Variants in CAMK4 observed in about 807,000 individuals in gnomAD.
CAMK4 encodes calcium/calmodulin dependent protein kinase IV.
In CAMK4, 22 loss-of-function variants were observed where a neutral mutation model predicts 44.9. The ratio of observed to expected loss-of-function variants is 0.49; its 90% CI spans 0.35 to 0.70. CAMK4 has a LOEUF of 0.70. CAMK4 is among the 30% of genes least tolerant of loss of function. CAMK4 has a pLI of 0.01. For synonymous variants in CAMK4, 218 were observed against 215.4 expected (o/e 1.01, Z -0.11); for missense variants, 498 against 586.8 (o/e 0.85, Z 1.56).
Position 111,485,245 on chromosome 5 carries a change from CAG to C in CAMK4, c.*780_*781del, listed in dbSNP as rs1048944669. The C allele has an allele frequency of 6.6e-5, 10 of 152,056 alleles. No individual in the cohort carries two copies. Among genetic ancestry groups the C allele is most frequent in the African/African-American group, 2.4e-4 (10 of 41,392 alleles). The allele number at this position is 152,056 out of a possible 1,614,324, so 9.4% of individuals were successfully genotyped here. ...TAGACAAAGCTTAGGGTGTAATAAACAGGGAAGAAAAGAAGGTAAGACTGTAC... is the reference window on the plus strand; with the variant it reads ...TAGACAAAGCTTAGGGTGTAATAAACGGAAGAAAAGAAGGTAAGACTGTAC... On this transcript the variant is annotated 3_prime_UTR_variant, in exon 11 of 11. Transcript: ENST00000282356.
In CAMK4 at chr5:111,238,050, G is replaced by A. The variant is rs577002524; in HGVS notation, c.161+13406G>A. 3.7e-4 allele frequency among the ~76,000 whole-genome samples: 57 copies of A among 152,142 alleles called. 1 individual carries two copies. The highest frequency in any genetic ancestry group is 1.3e-3 in the African/African-American group (52 of 41,432). On this transcript the variant is annotated intron_variant, in intron 1 of 10. Transcript: ENST00000282356. ...TTTGACAACCAGAGGCCAGGGGAGC[G>A]TGGTGAAAGGAAACTGTGGGTGGGA...
intron 4 of CAMK4, among the ~76,000 whole-genome samples, chr5:111,380,422 G>A (rs1210658036): frequency 6.6e-6 from 1 of 151,854 alleles, no homozygotes; most frequent in Non-Finnish European, 1.5e-5. Context: ...GTGTGTCATG[G>A]CGATTTGTTG....
At chr5:111,224,273 TCCGGGTTCC>T (rs1748048943), upstream of CAMK4, 2 of 554,938 alleles carry the variant, frequency 3.6e-6, no homozygotes, top group African/African-American at 4.1e-5. The surrounding 1 kb of genome is among the most constrained non-coding windows in gnomAD (Gnocchi z 5.7). Context: ...GGGCGGCGAC[TCCGGGTTCC>T]CCCTCGCGCC....
At position 111,242,440 on chromosome 5, in the gene CAMK4, C is replaced by T. The variant is rs114951469; in HGVS notation, c.161+17796C>T. 4.0e-3 allele frequency among the ~76,000 whole-genome samples: 608 copies of T among 151,174 alleles called. 4 individuals carry two copies. The highest frequency in any genetic ancestry group is 0.014 in the African/African-American group (571 of 41,110). On this transcript the variant is annotated intron_variant, in intron 1 of 10. Coordinates refer to ENST00000282356, the MANE Select transcript of CAMK4 (RefSeq NM_001744.6). ...ATATCTCTTAAATATACTTTAAATC[C>T]GTTCCCTCCTCTGTGTGGCCACTGA...
Position 111,246,926 on chromosome 5 carries a change from T to C in CAMK4, c.161+22282T>C, listed in dbSNP as rs114874589. ...ACTATATCCCTTAAATTAAGTGGGG[T>C]TCCAGCATACAGCTCCTGGTATCTC... On this transcript the variant is annotated intron_variant, in intron 1 of 10. Coordinates refer to ENST00000282356, the MANE Select transcript of CAMK4 (RefSeq NM_001744.6). Among the ~76,000 whole-genome samples, 188 of 152,210 alleles carry C rather than the reference T, an allele frequency of 1.2e-3. 2 individuals carry two copies. The highest frequency in any genetic ancestry group is 1.2e-3 in the Non-Finnish European group (84 of 68,014).
At chr5:111,225,263 T>G (rs1748130817) in intron 1 of CAMK4, among the ~76,000 whole-genome samples, 1 of 152,168 alleles carries the variant, frequency 6.6e-6, no homozygotes, top group Non-Finnish European at 1.5e-5. Flanking sequence ...TTAGTGAGAA[T>G]GCTGCTGCTT....
At chr5:111,443,968 T>C (rs1417251430) in intron 5 of CAMK4, among the ~76,000 whole-genome samples, 2 of 152,228 alleles carry the variant, frequency 1.3e-5, no homozygotes, top group African/African-American at 4.8e-5. Context: ...GGACACCGCA[T>C]GTTTTCCCTG....
intron 1 of CAMK4, among the ~76,000 whole-genome samples, chr5:111,255,984 A>G (rs779350080): frequency 2.0e-5 from 3 of 152,194 alleles, no homozygotes; most frequent in Non-Finnish European, 2.9e-5. Context: ...TTTAGAATGC[A>G]TACACACACA....
intron 1 of CAMK4, among the ~76,000 whole-genome samples, chr5:111,236,004 C>T (rs1210700297): frequency 6.6e-6 from 1 of 152,196 alleles, no homozygotes; most frequent in Admixed American, 6.5e-5. Flanking sequence ...ACAATTGTTA[C>T]TTGACGGCCC....
intron 7 of CAMK4, among the ~76,000 whole-genome samples, chr5:111,471,205 AT>A (rs1755053661): frequency 6.6e-6 from 1 of 151,880 alleles, no homozygotes; most frequent in Non-Finnish European, 1.5e-5. Context: ...GTTGTCACCC[AT>A]CGAGTGAAAA....
At chr5:111,232,097 G>A (rs1488575437) in intron 1 of CAMK4, among the ~76,000 whole-genome samples, 1 of 152,120 alleles carries the variant, frequency 6.6e-6, no homozygotes, top group Non-Finnish European at 1.5e-5. Flanking sequence ...TTGTTTATAA[G>A]TCTAAGCTTT....
At chr5:111,471,640 A>G (rs562530273) in intron 7 of CAMK4, among the ~76,000 whole-genome samples, 6 of 152,366 alleles carry the variant, frequency 3.9e-5, no homozygotes, top group South Asian at 2.1e-4. Context: ...TGGACATGTT[A>G]TGACAAGTTA....
chr5:111,279,121 A>G (rs1750897118), intron 1 of CAMK4, among the ~76,000 whole-genome samples: 1 of 152,200 alleles, frequency 6.6e-6, no homozygotes, highest in Non-Finnish European at 1.5e-5. Flanking sequence ...TAACGAAAAT[A>G]AGTCTAGTTT....
chr5:111,458,663 C>G (rs570522179), intron 7 of CAMK4, among the ~76,000 whole-genome samples: 7 of 151,826 alleles, frequency 4.6e-5, no homozygotes, highest in Non-Finnish European at 8.8e-5. Context: ...GGAAAAGGAG[C>G]CTGGGTTACA....
At chr5:111,227,129 T>C (rs1748229554) in intron 1 of CAMK4, among the ~76,000 whole-genome samples, 1 of 152,226 alleles carries the variant, frequency 6.6e-6, no homozygotes, top group South Asian at 2.1e-4. Flanking sequence ...CTTTGAGAAG[T>C]ATCATTTTCA....
At chr5:111,314,097 A>C (rs549610565) in intron 1 of CAMK4, among the ~76,000 whole-genome samples, 1 of 152,262 alleles carries the variant, frequency 6.6e-6, no homozygotes, top group East Asian at 1.9e-4. Flanking sequence ...GGAAAAACTA[A>C]TACATTATTA....
intron 7 of CAMK4, among the ~76,000 whole-genome samples, chr5:111,460,747 C>T (rs1487679018): frequency 6.6e-6 from 1 of 152,122 alleles, no homozygotes; most frequent in Non-Finnish European, 1.5e-5. Flanking sequence ...CCTGGAGACT[C>T]AGTCTGATTC....
At chr5:111,315,943 T>A (rs1748404058) in intron 1 of CAMK4, among the ~76,000 whole-genome samples, 1 of 151,680 alleles carries the variant, frequency 6.6e-6, no homozygotes, top group African/African-American at 2.4e-5. Context: ...CACAAAAGAG[T>A]TTATCATTTT....
At chr5:111,441,785 A>G (rs1001824463) in intron 5 of CAMK4, among the ~76,000 whole-genome samples, 2 of 152,220 alleles carry the variant, frequency 1.3e-5, no homozygotes, top group African/African-American at 2.4e-5. Context: ...CATAATCTGT[A>G]GCTAAAATCA....
Sources: allele counts gnomAD v4.1 joint callset (sites outside exome capture counted in the v4.1 genomes callset), GRCh38; gene constraint gnomAD v4.1.1; non-coding constraint Gnocchi (gnomAD v3.1); transcripts MANE v1.5; gene names NCBI Gene and HGNC (gene_info 2026-07-23, HGNC 2026-07-21).